The following CTNNA3 variants were observed in gnomAD, a reference collection of about 807,000 sequenced individuals.
CTNNA3 encodes catenin alpha-3.
A neutral mutation model predicts 95.7 loss-of-function variants in CTNNA3; 76 were observed. The ratio of observed to expected loss-of-function variants is 0.79; its 90% CI spans 0.66 to 0.96. The LOEUF is 0.96. CTNNA3 is among the 40% of genes least tolerant of loss of function. CTNNA3 has a pLI of 0.00. For missense variants in CTNNA3, 1,191 were observed against 1,089.8 expected (o/e 1.09, Z -1.31); for synonymous variants, 431 against 374.4 (o/e 1.15, Z -1.74).
rs141830415 is a variant in CTNNA3, at chr10:66,625,427, C to T, written c.1282-3643G>A. On this transcript the variant is annotated intron_variant, in intron 9 of 17. Transcript: ENST00000433211. The stretch of plus-strand genomic sequence containing the variant: ...ATTTAGAGACCAAGTCTCACTAGGT[C>T]GCCCAGGCTGGAGTGCAGTGGCTCG... Among the ~76,000 whole-genome samples the T allele has an allele frequency of 8.9e-3, 1,351 of 152,142 alleles. 22 individuals carry two copies. Among genetic ancestry groups the T allele is most frequent in the African/African-American group, 0.031 (1,274 of 41,516 alleles).
chr10:66,293,097 T>C (rs1359551726), intron 12 of CTNNA3, among the ~76,000 whole-genome samples: 2 of 152,182 alleles, frequency 1.3e-5, no homozygotes, highest in Non-Finnish European at 2.9e-5. Flanking sequence ...AGATTAAGTA[T>C]TAATGTCTAA....
intron 15 of CTNNA3, among the ~76,000 whole-genome samples, chr10:66,064,270 C>T (rs927688826): frequency 6.6e-6 from 1 of 152,102 alleles, no homozygotes; most frequent in Non-Finnish European, 1.5e-5. Context: ...GATTCAATTG[C>T]CTTCACCTGG....
chr10:66,221,776 A>G (rs1019008356), intron 13 of CTNNA3, among the ~76,000 whole-genome samples: 1 of 152,246 alleles, frequency 6.6e-6, no homozygotes, highest in Non-Finnish European at 1.5e-5. Context: ...TGTATTAACA[A>G]GGCAATGTAA....
rs558973126 is a variant in CTNNA3, at chr10:67,293,521, AT to A, written c.580-73652del. On this transcript the variant is annotated intron_variant, in intron 5 of 17. Coordinates refer to ENST00000433211, the MANE Select transcript of CTNNA3 (RefSeq NM_013266.4). Reference sequence around the variant, plus strand: ...CTCCTCCTTCTAAATTACACATTTTATTTTTTTTATTATACTTTAAGTTTTA... The same window carrying A: ...CTCCTCCTTCTAAATTACACATTTTATTTTTTTATTATACTTTAAGTTTTA... Among the ~76,000 whole-genome samples the A allele has an allele frequency of 1.1e-4, 17 of 152,016 alleles. No homozygotes were observed. The South Asian group carries it at 2.3e-3, about 20-fold the overall frequency.
At chr10:67,738,503 A>T (rs2133638319) in intron 1 of CTNNA3, among the ~76,000 whole-genome samples, 1 of 152,336 alleles carries the variant, frequency 6.6e-6, no homozygotes, top group Middle Eastern at 3.4e-3. Context: ...ACAGAGCAGA[A>T]AAACTGGAAA....
chr10:67,461,236 T>C (rs1489525324), intron 5 of CTNNA3, among the ~76,000 whole-genome samples: 2 of 152,190 alleles, frequency 1.3e-5, no homozygotes, highest in Non-Finnish European at 1.5e-5. Context: ...AACACTGATA[T>C]ATTAGGTTAT....
chr10:67,623,389 G>T (rs1170500083), intron 2 of CTNNA3, among the ~76,000 whole-genome samples: 2 of 152,166 alleles, frequency 1.3e-5, no homozygotes, highest in East Asian at 3.8e-4. Context: ...TGCATAAATT[G>T]ATATATATGA....
intron 5 of CTNNA3, among the ~76,000 whole-genome samples, chr10:67,486,551 A>C (rs2133067876): frequency 6.6e-6 from 1 of 151,786 alleles, no homozygotes; most frequent in East Asian, 1.9e-4. Context: ...CCCAAGTTTA[A>C]CCTCTATGTG....
intron 5 of CTNNA3, among the ~76,000 whole-genome samples, chr10:67,393,144 A>G (rs1844574343): frequency 6.6e-6 from 1 of 152,152 alleles, no homozygotes; most frequent in African/African-American, 2.4e-5. Flanking sequence ...TGCAGTATGG[A>G]CTTCTACTCA....
At chr10:66,374,606 CTTTTTTTTT>C (rs58880058) in intron 12 of CTNNA3, among the ~76,000 whole-genome samples, 7,046 of 87,910 alleles carry the variant, frequency 0.08, 172 homozygotes, top group East Asian at 0.17. Context: ...AAAGAAAAGC[CTTTTTTTTT>C]TTTTTTTTTT....
intron 5 of CTNNA3, among the ~76,000 whole-genome samples, chr10:67,504,435 C>CAAAAAA (rs60719599): frequency 2.3e-3 from 37 of 16,050 alleles, no homozygotes; most frequent in Middle Eastern, 0.071. Flanking sequence ...GACTCCATCT[C>CAAAAAA]AAAAAAAAAA....
chr10:66,330,207 A>T (rs558569725), intron 12 of CTNNA3, among the ~76,000 whole-genome samples: 26 of 151,636 alleles, frequency 1.7e-4, no homozygotes, highest in Non-Finnish European at 1.9e-4. Flanking sequence ...TCCTAATGCT[A>T]TCCCTCCCCC....
At position 66,566,700 on chromosome 10, in the gene CTNNA3, G is replaced by C. The variant is rs1167472457; in HGVS notation, c.1375-45927C>G. Among the ~76,000 whole-genome samples, 3 of 151,942 alleles carry C rather than the reference G, an allele frequency of 2.0e-5. No individual in the cohort carries two copies. The East Asian group carries it at 5.9e-4, about 30-fold the overall frequency. The stretch of plus-strand genomic sequence containing the variant: ...TCCAAGAGGCAACCCCTGCTACTAG[G>C]TTCCTGTGACTCCTGAGTAGGAGTC... On this transcript the variant is annotated intron_variant, in intron 10 of 17. Coordinates refer to ENST00000433211, the MANE Select transcript of CTNNA3 (RefSeq NM_013266.4).
intron 15 of CTNNA3, among the ~76,000 whole-genome samples, chr10:66,008,897 C>A (rs879938082): frequency 1.1e-4 from 16 of 151,976 alleles, no homozygotes; most frequent in Non-Finnish European, 1.9e-4. Context: ...GTCAGGAGTT[C>A]AAGACCAGCC....
chr10:66,415,137 G>A (rs570452694), intron 11 of CTNNA3, among the ~76,000 whole-genome samples: 1 of 152,092 alleles, frequency 6.6e-6, no homozygotes, highest in Non-Finnish European at 1.5e-5. Flanking sequence ...GGATCACCCC[G>A]CTCCTGACTA....
At chr10:66,848,781 C>T (rs564657404) in intron 7 of CTNNA3, among the ~76,000 whole-genome samples, 14 of 152,230 alleles carry the variant, frequency 9.2e-5, no homozygotes, top group African/African-American at 2.6e-4. Context: ...TAGATATTTT[C>T]GTGTGTCCTT....
rs1013395064 is a variant in CTNNA3, at chr10:65,917,603, A to T, written c.*2727T>A. On this transcript the variant is annotated 3_prime_UTR_variant, in exon 18 of 18. Coordinates refer to ENST00000433211, the MANE Select transcript of CTNNA3 (RefSeq NM_013266.4). The stretch of plus-strand genomic sequence containing the variant: ...AACGTTTTTCCCTATGTAAATTAAC[A>T]CAAATTGATTTCGTTAAAAAGAAAG... 3 of 152,130 alleles carry T rather than the reference A, an allele frequency of 2.0e-5. No homozygotes were observed. Among genetic ancestry groups the T allele is most frequent in the Non-Finnish European group, 2.9e-5 (2 of 68,026 alleles). 9.4% of individuals were successfully genotyped at this position (152,130 alleles called of 1,614,324 possible).
intron 2 of CTNNA3, among the ~76,000 whole-genome samples, chr10:67,643,301 A>T (rs1191914052): frequency 6.6e-6 from 1 of 150,966 alleles, no homozygotes; most frequent in Admixed American, 6.6e-5. Context: ...GGGGGAACAC[A>T]CTGGGGTCTG....
At chr10:67,201,365 A>T (rs920459740) in intron 6 of CTNNA3, among the ~76,000 whole-genome samples, 22 of 152,104 alleles carry the variant, frequency 1.4e-4, no homozygotes, top group African/African-American at 5.3e-4. Flanking sequence ...CTCCTTTTCC[A>T]TCTGCAGGAC....
Sources: allele counts gnomAD v4.1 joint callset (sites outside exome capture counted in the v4.1 genomes callset), GRCh38; gene constraint gnomAD v4.1.1; transcripts MANE v1.5; gene names NCBI Gene and HGNC (gene_info 2026-07-23, HGNC 2026-07-21).